The following THBS2 variants were observed in gnomAD, a reference collection of about 807,000 sequenced individuals.
THBS2 encodes thrombospondin 2, also known as thrombospondin-2.
THBS2 carries 47 observed loss-of-function variants against 135.2 expected under a neutral mutation model. The observed-to-expected ratio is 0.35, with a 90% CI of 0.28 to 0.44. The LOEUF (loss-of-function observed/expected upper bound fraction) is 0.44. THBS2 is among the 20% of genes least tolerant of loss of function. The pLI is 1.00. For synonymous variants in THBS2, 639 were observed against 633.8 expected (o/e 1.01, Z -0.12); for missense variants, 1,288 against 1,603.1 (o/e 0.80, Z 3.36).
chr6:169,247,048 C>T (rs1208355050), intron 3 of THBS2, among the ~76,000 whole-genome samples: 1 of 152,162 alleles, frequency 6.6e-6, no homozygotes, highest in Non-Finnish European at 1.5e-5. Context: ...CCCATCATTT[C>T]GCTACTAAAG....
At chr6:169,234,535 G>T in intron 10 of THBS2, 199 bp downstream of exon 10, 1 of 577,208 alleles carries the variant, frequency 1.7e-6, no homozygotes, top group Non-Finnish European at 2.9e-6. Flanking sequence ...CACAGGCCAC[G>T]CCACCTGGCA....
At position 169,223,360 on chromosome 6, in the gene THBS2, C is replaced by G; in HGVS notation, c.2889G>C (p.Gln963His). 1 of 1,614,192 alleles carries G rather than the reference C, an allele frequency of 6.2e-7. No individual in the cohort carries two copies. Among genetic ancestry groups the G allele is most frequent in the African/African-American group, 1.3e-5 (1 of 75,048 alleles). The stretch of plus-strand genomic sequence containing the variant: ...TCCCTTTGGGATCCAAGGGGACCAT[C>G]TGGAAGTTCCTGAAGTCTGTCTCAC... ...AISETDFRNF[Q>H]MVPLDPKGTT... Residue 963 changes from glutamine to histidine, a missense_variant, in exon 18 of 22, where the codon CAG becomes CAC. Transcript: ENST00000617924.
At chr6:169,251,684 C>T (rs1038578851) in intron 1 of THBS2, among the ~76,000 whole-genome samples, 8 of 152,214 alleles carry the variant, frequency 5.3e-5, no homozygotes, top group African/African-American at 1.7e-4. Context: ...CCGTTAACTT[C>T]TCATTGTTAA....
chr6:169,220,990 A>G (rs1052114177), intron 20 of THBS2, among the ~76,000 whole-genome samples: 2 of 152,252 alleles, frequency 1.3e-5, no homozygotes, highest in African/African-American at 4.8e-5. Context: ...TTTGAATAAA[A>G]ATCAATTATA....
At chr6:169,232,382 AC>A (rs1779872137) in intron 12 of THBS2, among the ~76,000 whole-genome samples, 184 bp from the exon 13 acceptor site, 1 of 152,016 alleles carries the variant, frequency 6.6e-6, no homozygotes, top group Non-Finnish European at 1.5e-5. Flanking sequence ...TCCGTTTGTG[AC>A]TCAGCCATCG....
At position 169,248,513 on chromosome 6, in the gene THBS2, G is replaced by A. The variant is rs1780639264; in HGVS notation, c.513C>T (p.Asp171=). The A allele has an allele frequency of 2.5e-6, 4 of 1,614,038 alleles. No homozygotes were observed. Among genetic ancestry groups the A allele is most frequent in the South Asian group, 2.2e-5 (2 of 91,080 alleles). The change falls in exon 3 of 22, where the codon GAC becomes GAT. Residue 171 remains aspartate, a synonymous_variant. Transcript: ENST00000617924. ...YSLHVGCDLI[D]SFALDEPFYE... is the part of the protein sequence containing the mutation. ...AGAAGGGCTCGTCCAGAGCGAAGCT[G>A]TCTATGAGGTCGCAGCCCACGTGCA... is the stretch of plus-strand genomic sequence containing the variant.
In THBS2 at chr6:169,232,965, G is replaced by T; in HGVS notation, c.1704C>A (p.Pro568=). Residue 568 remains proline, a synonymous_variant, in exon 11 of 22, where the codon CCC becomes CCA. Transcript: ENST00000617924. ...CFPGAQCSSF[P]DGSWSCGSCP... ...AGGAGCCGCATGACCAGGACCCATC[G>T]GGGAAGCTGCTGCACTGGGCTCCCG... 6.4e-7 allele frequency: 1 copy of T among 1,558,598 alleles called. No homozygotes were observed. The highest frequency in any genetic ancestry group is 8.7e-7 in the Non-Finnish European group (1 of 1,153,204).
At chr6:169,223,697 A>AAAT (rs1405933490) in intron 17 of THBS2, among the ~76,000 whole-genome samples, 9 of 152,180 alleles carry the variant, frequency 5.9e-5, no homozygotes, top group Non-Finnish European at 8.8e-5. Flanking sequence ...TTTTTGTGAT[A>AAAT]AATACACAGC....
Position 169,239,602 on chromosome 6 carries a change from G to A in THBS2, c.1126C>T (p.His376Tyr). The A allele has an allele frequency of 6.3e-7, 1 of 1,599,574 alleles. No homozygotes were observed. Among genetic ancestry groups the A allele is most frequent in the East Asian group, 2.2e-5 (1 of 44,612 alleles). ...VEGECCPSCL[H>Y]SVDGEEGWSP... ...CTTGCCGGCTGGCGATACTCACAGT[G>A]GAGGCAGGAAGGGCAGCATTCGCCT... is the stretch of plus-strand genomic sequence containing the variant. Residue 376 changes from histidine to tyrosine, a missense_variant, in exon 7 of 22, where the codon CAC becomes TAC. This residue lies in a region of THBS2 where 874 missense variants were observed against 1,156.1 expected (regional missense o/e 0.76). Coordinates refer to ENST00000617924, the MANE Select transcript of THBS2 (RefSeq NM_003247.5).
rs768981734 is a variant in THBS2, at chr6:169,234,702, T to A, written c.1651+32A>T. The A allele has an allele frequency of 4.8e-6, 7 of 1,465,386 alleles. No individual in the cohort carries two copies. The South Asian group carries it at 1.0e-4, about 21-fold the overall frequency. 90.8% of individuals were successfully genotyped at this position (1,465,386 alleles called of 1,614,324 possible). Reference sequence around the variant, plus strand: ...CTTTTCATCAGAATGGAAGCCCGGGTTTCAGTGCCCCCGCTTCTACCCCTC... The same window carrying A: ...CTTTTCATCAGAATGGAAGCCCGGGATTCAGTGCCCCCGCTTCTACCCCTC... On this transcript the variant is annotated intron_variant, in intron 10 of 21. Coordinates refer to ENST00000617924, the MANE Select transcript of THBS2 (RefSeq NM_003247.5).
intron 9 of THBS2, among the ~76,000 whole-genome samples, chr6:169,235,996 T>TCA: frequency 1.1e-4 from 2 of 18,746 alleles, no homozygotes; most frequent in Non-Finnish European, 1.9e-4. Context: ...CCATCCACAC[T>TCA]CTCCCTCCAC....
intron 15 of THBS2, among the ~76,000 whole-genome samples, chr6:169,226,699 C>G (rs1403833278): frequency 6.6e-6 from 1 of 152,120 alleles, no homozygotes; most frequent in Non-Finnish European, 1.5e-5. Context: ...AAAACAATGG[C>G]AGAGAGTGGC....
At position 169,226,173 on chromosome 6, in the gene THBS2, C is replaced by T. The variant is rs779106257; in HGVS notation, c.2538+7G>A. ...CTCCAACCCCGCCTGTCTGCGGCTG[C>T]CCTCACCTGGTCAGGGTTGTGCACC... is the stretch of plus-strand genomic sequence containing the variant. On this transcript the variant is annotated splice_region_variant and intron_variant, in intron 16 of 21. Transcript: ENST00000617924. The T allele has an allele frequency of 1.2e-6, 2 of 1,608,912 alleles. No homozygotes were observed. The highest frequency in any genetic ancestry group is 2.2e-5 in the East Asian group (1 of 44,654).
intron 17 of THBS2, among the ~76,000 whole-genome samples, chr6:169,223,750 T>A (rs1444067513): frequency 6.6e-6 from 1 of 152,238 alleles, no homozygotes; most frequent in Non-Finnish European, 1.5e-5. Context: ...TTTCTCACCG[T>A]GTTCCAAACT....
chr6:169,227,655 G>C (rs2114986664), intron 15 of THBS2, among the ~76,000 whole-genome samples: 1 of 152,330 alleles, frequency 6.6e-6, no homozygotes, highest in East Asian at 1.9e-4. Context: ...AGGCAAGGCA[G>C]AATAAGCATG....
At position 169,215,850 on chromosome 6, in the gene THBS2, T is replaced by C. The variant is rs371991523; in HGVS notation, c.*1972A>G. 31 of 152,568 alleles carry C rather than the reference T, an allele frequency of 2.0e-4. No homozygotes were observed. Among genetic ancestry groups the C allele is most frequent in the African/African-American group, 6.8e-4 (28 of 41,454 alleles). 9.5% of individuals were successfully genotyped at this position (152,568 alleles called of 1,614,324 possible). ...CTTTAAAAATGAGGTTCTAGCTAAG[T>C]GCAGGGTTTCAGTGGTGAAATTTTG... On this transcript the variant is annotated 3_prime_UTR_variant, in exon 22 of 22. Transcript: ENST00000617924.
At chr6:169,239,762 A>T in intron 6 of THBS2, 67 bp from the exon 7 acceptor site, 10 of 1,233,830 alleles carry the variant, frequency 8.1e-6, no homozygotes, top group Non-Finnish European at 1.2e-5. Context: ...ACAAGGGCTG[A>T]GACTAGAAGG....
At chr6:169,234,989 A>G in intron 9 of THBS2, 82 bp from the exon 10 acceptor site, 1 of 1,409,082 alleles carries the variant, frequency 7.1e-7, no homozygotes, top group Non-Finnish European at 9.6e-7. Flanking sequence ...AGGGAAGAGC[A>G]GGTGGGACAT....
At chr6:169,236,156 ACACT>A (rs1780049333) in intron 9 of THBS2, among the ~76,000 whole-genome samples, 1 of 89,036 alleles carries the variant, frequency 1.1e-5, no homozygotes, top group Admixed American at 1.3e-4. Flanking sequence ...CTCCCCATCC[ACACT>A]CACTCCCCAT....
Sources: allele counts gnomAD v4.1 joint callset (sites outside exome capture counted in the v4.1 genomes callset), GRCh38; gene constraint gnomAD v4.1.1; regional missense constraint gnomAD v4.1.1; transcripts MANE v1.5; gene names NCBI Gene and HGNC (gene_info 2026-07-23, HGNC 2026-07-21).